The following NRXN1 variants were observed in gnomAD, a reference collection of about 807,000 sequenced individuals.
NRXN1 encodes neurexin 1.
NRXN1 carries 39 observed loss-of-function variants against 150.9 expected under a neutral mutation model. That is an observed-to-expected ratio of 0.26 (90% CI 0.20 to 0.34). NRXN1 has a LOEUF of 0.34. NRXN1 is among the 10% of genes least tolerant of loss of function. The pLI is 1.00. For missense variants in NRXN1, 1,815 were observed against 1,949.9 expected (o/e 0.93, Z 1.30); for synonymous variants, 924 against 757.0 (o/e 1.22, Z -3.62).
At chr2:50,390,366 T>A (rs1343381103) in intron 17 of NRXN1, among the ~76,000 whole-genome samples, 2 of 152,168 alleles carry the variant, frequency 1.3e-5, no homozygotes, top group Non-Finnish European at 2.9e-5. Flanking sequence ...ACTTATAAAA[T>A]CTATTTGAAA....
chr2:50,594,496 A>T (rs573531139), intron 8 of NRXN1, among the ~76,000 whole-genome samples: 15 of 152,276 alleles, frequency 9.9e-5, no homozygotes, highest in Admixed American at 7.9e-4. Context: ...ATTATTAAAC[A>T]TGGAAGAAAG....
chr2:50,001,900 T>C (rs1683994338), intron 21 of NRXN1, among the ~76,000 whole-genome samples: 1 of 151,946 alleles, frequency 6.6e-6, no homozygotes, highest in African/African-American at 2.4e-5. Flanking sequence ...AAAGACTCCA[T>C]CTTAGGAGAA....
chr2:50,238,098 A>G (rs1198595969), intron 17 of NRXN1, among the ~76,000 whole-genome samples: 1 of 151,966 alleles, frequency 6.6e-6, no homozygotes, highest in Admixed American at 6.6e-5. Context: ...TTTATCAATT[A>G]CCCAGTCTCA....
chr2:50,467,730 A>G (rs1043021060), intron 16 of NRXN1, among the ~76,000 whole-genome samples: 1 of 151,518 alleles, frequency 6.6e-6, no homozygotes, highest in Non-Finnish European at 1.5e-5. Flanking sequence ...GTAGTAATAT[A>G]ATAAGAAGAC....
At chr2:50,196,101 AT>A (rs1455182863) in intron 18 of NRXN1, among the ~76,000 whole-genome samples, 1 of 151,808 alleles carries the variant, frequency 6.6e-6, no homozygotes, top group African/African-American at 2.4e-5. Flanking sequence ...TGCATAAACT[AT>A]TTTTCCTGAT....
chr2:51,011,108 C>A (rs1667786865), intron 2 of NRXN1, among the ~76,000 whole-genome samples: 1 of 151,954 alleles, frequency 6.6e-6, no homozygotes, highest in African/African-American at 2.4e-5. Flanking sequence ...ACAAGCTAAA[C>A]AATAAATCAT....
chr2:50,483,691 C>T (rs577330567), intron 15 of NRXN1, among the ~76,000 whole-genome samples: 524 of 152,286 alleles, frequency 3.4e-3, no homozygotes, highest in Non-Finnish European at 6.2e-3. Flanking sequence ...AATGCCAGCA[C>T]TTCAGCGTTT....
intron 18 of NRXN1, among the ~76,000 whole-genome samples, chr2:50,144,894 A>G (rs1707787052): frequency 6.6e-6 from 1 of 151,726 alleles, no homozygotes; most frequent in African/African-American, 2.4e-5. Flanking sequence ...CTAGGGGTTG[A>G]CATTTTTATC....
intron 21 of NRXN1, among the ~76,000 whole-genome samples, chr2:49,946,006 A>G (rs184572537): frequency 5.9e-4 from 90 of 152,310 alleles, no homozygotes; most frequent in African/African-American, 2.1e-3. Context: ...TCCCACCAAC[A>G]GTGTAAAAGC....
chr2:50,627,939 A>C (rs1681466540), intron 5 of NRXN1, among the ~76,000 whole-genome samples: 1 of 151,832 alleles, frequency 6.6e-6, no homozygotes, highest in Admixed American at 6.6e-5. Flanking sequence ...GAGAAAAAAA[A>C]CTGTTTGTGA....
chr2:50,792,751 G>T (rs181560453), intron 5 of NRXN1, among the ~76,000 whole-genome samples: 37 of 151,864 alleles, frequency 2.4e-4, no homozygotes, highest in African/African-American at 6.8e-4. Context: ...TACAAAGAAG[G>T]TATCCCATTT....
At chr2:50,659,838 T>C (rs943077333) in intron 5 of NRXN1, among the ~76,000 whole-genome samples, 6 of 151,962 alleles carry the variant, frequency 3.9e-5, no homozygotes, top group Admixed American at 6.6e-5. Flanking sequence ...TAACTATGAT[T>C]TATACTTGAT....
chr2:50,227,629 C>T (rs2064527347), intron 18 of NRXN1, among the ~76,000 whole-genome samples: 1 of 151,886 alleles, frequency 6.6e-6, no homozygotes, highest in Non-Finnish European at 1.5e-5. Context: ...GTTGAAACAC[C>T]ACAATTTTAT....
chr2:50,302,245 C>CT (rs914409164), intron 17 of NRXN1, among the ~76,000 whole-genome samples: 9 of 151,904 alleles, frequency 5.9e-5, no homozygotes, highest in African/African-American at 1.9e-4. Flanking sequence ...CTTGAAGTTT[C>CT]TTTTTTGCAG....
At chr2:50,771,868 T>C (rs993717093) in intron 5 of NRXN1, among the ~76,000 whole-genome samples, 1 of 152,120 alleles carries the variant, frequency 6.6e-6, no homozygotes. Context: ...GTAGACAGAA[T>C]TCCTGCCCTA....
chr2:50,907,050 A>G (rs549382579), intron 5 of NRXN1, among the ~76,000 whole-genome samples: 1 of 152,130 alleles, frequency 6.6e-6, no homozygotes, highest in East Asian at 1.9e-4. Flanking sequence ...TCTAGAAACT[A>G]AAAGTCTTCT....
At chr2:50,896,818 G>A (rs1682036120) in intron 5 of NRXN1, among the ~76,000 whole-genome samples, 1 of 151,514 alleles carries the variant, frequency 6.6e-6, no homozygotes, top group African/African-American at 2.4e-5. Context: ...CTGCACCCCA[G>A]CCTGGGCGAC....
intron 17 of NRXN1, among the ~76,000 whole-genome samples, chr2:50,411,640 C>G (rs2083183828): frequency 6.6e-6 from 1 of 151,822 alleles, no homozygotes; most frequent in African/African-American, 2.4e-5. Flanking sequence ...TGACCGGCCG[C>G]CCCGTCTGAG....
chr2:49,986,143 G>A (rs963987363), intron 21 of NRXN1, among the ~76,000 whole-genome samples: 2 of 152,158 alleles, frequency 1.3e-5, no homozygotes, highest in South Asian at 4.1e-4. Flanking sequence ...CAGAAACTCA[G>A]ATGCCACAGG....
Sources: allele counts gnomAD v4.1 joint callset (sites outside exome capture counted in the v4.1 genomes callset), GRCh38; gene constraint gnomAD v4.1.1; transcripts MANE v1.5; gene names NCBI Gene and HGNC (gene_info 2026-07-23, HGNC 2026-07-21).